The following RNF125 variants were observed in gnomAD, a reference collection of about 807,000 sequenced individuals.
The protein encoded by RNF125 is ring finger protein 125.
In RNF125, 21 loss-of-function variants were observed where a neutral mutation model predicts 26.0. The ratio of observed to expected loss-of-function variants is 0.81; its 90% CI spans 0.57 to 1.16. The LOEUF is 1.16. RNF125 is among the 50% of genes most tolerant of loss of function. RNF125 has a pLI of 0.00. For missense variants in RNF125, 270 were observed against 299.4 expected, an observed-to-expected ratio of 0.90 and a Z score of 0.72; for synonymous variants, 95 against 109.2, an observed-to-expected ratio of 0.87 and a Z score of 0.81.
In RNF125 at chr18:32,037,211, C is replaced by A; in HGVS notation, c.260C>A (p.Thr87Asn). The A allele has an allele frequency of 6.2e-7, 1 of 1,606,366 alleles. No individual in the cohort carries two copies. The highest frequency in any genetic ancestry group is 2.3e-5 in the East Asian group (1 of 44,288). ...CTTCCTTCAGAAGGAGTTCCAGCAA[C>A]TGATGTAGCCAAAAGAATGAAATCA... ...AYLPSEGVPA[T>N]DVAKRMKSEY... The change falls in exon 2 of 6, where the codon ACT (threonine) becomes AAT (asparagine). Residue 87 changes from threonine (T) to asparagine (N), a missense_variant. Physicochemically the swap from Thr to Asn is moderately conservative, Grantham distance 65. Coordinates refer to ENST00000217740, the MANE Select transcript of RNF125 (RefSeq NM_017831.4).
chr18:32,078,491 G>C, the RNF125 span, among the ~76,000 whole-genome samples: 1 of 151,956 alleles, frequency 6.6e-6, no homozygotes, highest in Non-Finnish European at 1.5e-5. Context: ...ATCATTCATA[G>C]CTGGGCACGG....
At chr18:32,027,941 A>G (rs1041836946) in intron 1 of RNF125, among the ~76,000 whole-genome samples, 2 of 152,082 alleles carry the variant, frequency 1.3e-5, no homozygotes, top group East Asian at 3.9e-4. Flanking sequence ...AAAAAAAAAC[A>G]TAAGGGGCAA....
In RNF125 at chr18:32,024,110, C is replaced by T. The variant is rs1271764832; in HGVS notation, c.164+5083C>T. ...TTATCTATATCTTTTTTTATTCTTT[C>T]AATTTGAAACAAGCTTCAAATAACT... On this transcript the variant is annotated intron_variant, in intron 1 of 5. Coordinates refer to ENST00000217740, the MANE Select transcript of RNF125 (RefSeq NM_017831.4). 6.0e-5 allele frequency among the ~76,000 whole-genome samples: 9 copies of T among 150,328 alleles called. No homozygotes were observed. The East Asian group carries it at 1.8e-3, about 29-fold the overall frequency.
intron 2 of RNF125, 95 bp downstream of exon 2, chr18:32,037,364 CTTTTTT>C (rs796828237): frequency 2.3e-3 from 308 of 132,678 alleles, no homozygotes; most frequent in Middle Eastern, 9.3e-3. Context: ...TGGTACGCAC[CTTTTTT>C]TTTTTTTTTT....
rs79314541 is a variant in RNF125 at position 32,021,504 on chromosome 18, C to T, written c.164+2477C>T. 1.4e-3 allele frequency among the ~76,000 whole-genome samples: 211 copies of T among 152,256 alleles called. 1 individual carries two copies. The highest frequency in any genetic ancestry group is 4.6e-3 in the African/African-American group (193 of 41,550). ...CAGATGTAGCTTATTAACATAATAT[C>T]CACAGGCCAGTCTGGAAGCCAAGAT... On this transcript the variant is annotated intron_variant, in intron 1 of 5. Coordinates refer to ENST00000217740, the MANE Select transcript of RNF125 (RefSeq NM_017831.4).
the RNF125 span, among the ~76,000 whole-genome samples, chr18:32,080,762 G>A: frequency 6.6e-6 from 1 of 152,158 alleles, no homozygotes; most frequent in Non-Finnish European, 1.5e-5. Flanking sequence ...GATGGCGGAC[G>A]CCTGTAGTCC....
At chr18:32,079,045 G>A in the RNF125 span, among the ~76,000 whole-genome samples, 17 of 152,162 alleles carry the variant, frequency 1.1e-4, 1 homozygote. Context: ...AGATCCATGA[G>A]ATGGGGAGTT....
chr18:32,030,849 G>C (rs2039086464), intron 1 of RNF125, among the ~76,000 whole-genome samples: 2 of 152,178 alleles, frequency 1.3e-5, no homozygotes, highest in South Asian at 2.1e-4. Flanking sequence ...ATGCACGTGA[G>C]AGAGCTCGCT....
chr18:32,052,365 C>T (rs143422496), intron 4 of RNF125, among the ~76,000 whole-genome samples: 79 of 151,708 alleles, frequency 5.2e-4, no homozygotes, highest in African/African-American at 1.8e-3. Context: ...CGGTGGCGCG[C>T]GTCTGTAGTC....
rs2039544710 is a variant in RNF125 at position 32,072,863 on chromosome 18, AT to A, written c.*4480del. On this transcript the variant is annotated 3_prime_UTR_variant, in exon 6 of 6. Coordinates refer to ENST00000217740, the MANE Select transcript of RNF125 (RefSeq NM_017831.4). ...TTGATTGTGAATCTACACTAAAGAT[AT>A]GGTTCCAGGCAGACCTCCTTAGAGA... 6.6e-6 allele frequency: 1 copy of A among 152,190 alleles called. No individual in the cohort carries two copies. The highest frequency in any genetic ancestry group is 6.5e-5 in the Admixed American group (1 of 15,270). The allele number at this position is 152,190 out of a possible 1,614,324, so 9.4% of individuals were successfully genotyped here. A position where few individuals can be genotyped will look rare whatever the true frequency, so the allele number is the denominator to read the frequency against.
At chr18:32,038,104 A>G (rs1466530372) in intron 2 of RNF125, among the ~76,000 whole-genome samples, 1 of 128,162 alleles carries the variant, frequency 7.8e-6, no homozygotes, top group Non-Finnish European at 1.5e-5. Flanking sequence ...GCTGCAGTGT[A>G]GTGGCGCCAT....
At chr18:32,088,259 G>A in the RNF125 span, among the ~76,000 whole-genome samples, 1 of 152,160 alleles carries the variant, frequency 6.6e-6, no homozygotes, top group East Asian at 1.9e-4. Flanking sequence ...CACTGCACAT[G>A]GTAGCAATTT....
At chr18:32,062,223 C>G (rs2039441701) in intron 4 of RNF125, among the ~76,000 whole-genome samples, 1 of 152,180 alleles carries the variant, frequency 6.6e-6, no homozygotes, top group African/African-American at 2.4e-5. Flanking sequence ...TTCAAAGTAT[C>G]CTACTGATCT....
chr18:32,040,653 T>C (rs546748729), intron 2 of RNF125, among the ~76,000 whole-genome samples: 1 of 152,226 alleles, frequency 6.6e-6, no homozygotes, highest in Non-Finnish European at 1.5e-5. Flanking sequence ...ACAGGCACAA[T>C]GAACTGCATT....
chr18:32,035,907 C>G (rs991250518), intron 1 of RNF125, among the ~76,000 whole-genome samples: 2 of 152,162 alleles, frequency 1.3e-5, no homozygotes, highest in Non-Finnish European at 2.9e-5. Context: ...AATCCCAGCA[C>G]TTTGGGAGGC....
intron 4 of RNF125, among the ~76,000 whole-genome samples, chr18:32,057,987 C>T (rs1160887173): frequency 1.3e-5 from 2 of 151,934 alleles, no homozygotes; most frequent in Non-Finnish European, 1.5e-5. Context: ...GCTAAAGTGG[C>T]CAGGCACCGT....
At chr18:32,019,619 A>C (rs1189965599) in intron 1 of RNF125, among the ~76,000 whole-genome samples, 1 of 152,020 alleles carries the variant, frequency 6.6e-6, no homozygotes, top group African/African-American at 2.4e-5. Context: ...CCCAACACAG[A>C]CACCCAGCCC....
At chr18:32,024,594 C>A (rs2039015905) in intron 1 of RNF125, among the ~76,000 whole-genome samples, 1 of 152,226 alleles carries the variant, frequency 6.6e-6, no homozygotes, top group African/African-American at 2.4e-5. Context: ...GCATGCCCCA[C>A]CACACCCTGC....
At chr18:32,046,930 G>A (rs937762696) in intron 4 of RNF125, among the ~76,000 whole-genome samples, 8 of 152,022 alleles carry the variant, frequency 5.3e-5, no homozygotes, top group Admixed American at 6.6e-5. Context: ...GTACAGTGGC[G>A]CCATCTCGGC....
Sources: allele counts gnomAD v4.1 joint callset (sites outside exome capture counted in the v4.1 genomes callset), GRCh38; gene constraint gnomAD v4.1.1; transcripts MANE v1.5; gene names NCBI Gene and HGNC (gene_info 2026-07-23, HGNC 2026-07-21).